SYT7: variants seen among roughly 807,000 people sequenced by gnomAD.
The protein encoded by SYT7 is synaptotagmin-7.
A neutral mutation model predicts 75.1 loss-of-function variants in SYT7; 29 were observed. The observed-to-expected ratio is 0.39, with a 90% CI of 0.29 to 0.53. The LOEUF is 0.53. Ranked by LOEUF, SYT7 falls within the 20% of genes least tolerant of loss-of-function variation. The probability of loss-of-function intolerance (pLI) is 0.77; values close to 1 mark genes in which losing one functional copy is unlikely to be tolerated. For synonymous variants in SYT7, 376 were observed against 401.7 expected (o/e 0.94, Z 0.76); for missense variants, 693 against 953.2 (o/e 0.73, Z 3.59).
chr11:61,552,033 A>G (rs1221759193), intron 2 of SYT7, among the ~76,000 whole-genome samples: 2 of 152,024 alleles, frequency 1.3e-5, no homozygotes, highest in African/African-American at 4.8e-5. Context: ...TTAGGAAGGC[A>G]GTCTTAGGAA....
At chr11:61,527,522 C>A (rs189582533) in intron 9 of SYT7, among the ~76,000 whole-genome samples, 30 of 152,258 alleles carry the variant, frequency 2.0e-4, no homozygotes, top group African/African-American at 7.2e-4. Context: ...CCTACGGGTG[C>A]CTCCCTCCCT....
intron 1 of SYT7, among the ~76,000 whole-genome samples, chr11:61,562,003 A>AGT (rs2063648009): frequency 6.6e-6 from 1 of 151,482 alleles, no homozygotes; most frequent in Non-Finnish European, 1.5e-5. Flanking sequence ...CTCTTTTACA[A>AGT]GTGTGTGTGC....
chr11:61,545,355 G>C (rs1196489875), intron 5 of SYT7, among the ~76,000 whole-genome samples: 1 of 152,214 alleles, frequency 6.6e-6, no homozygotes, highest in African/African-American at 2.4e-5. Context: ...CCAACCTCCA[G>C]GAATACACGG....
intron 2 of SYT7, among the ~76,000 whole-genome samples, chr11:61,552,395 G>A (rs1052615450): frequency 3.3e-5 from 5 of 152,088 alleles, no homozygotes; most frequent in African/African-American, 1.2e-4. Context: ...TGCGGGGTTT[G>A]GGGCTGCCTC....
chr11:61,537,741 G>A (rs1007421331), intron 7 of SYT7, among the ~76,000 whole-genome samples: 8 of 151,778 alleles, frequency 5.3e-5, no homozygotes, highest in African/African-American at 1.9e-4. Context: ...GAACGGGCTG[G>A]CGCCCCTTCC....
Position 61,546,185 on chromosome 11 carries a change from C to G in SYT7, c.418G>C (p.Gly140Arg). Reference sequence around the variant, plus strand: ...GGCGGCACCGGTGCCGGCTTCTCCCCCAGCCGGCCTTCCCGCTCCACCGCC... The same window carrying G: ...GGCGGCACCGGTGCCGGCTTCTCCCGCAGCCGGCCTTCCCGCTCCACCGCC... ...GLAVEREGRL[G>R]EKPAPVPPPG... is the part of the protein sequence containing the mutation. Residue 140 changes from glycine to arginine, a missense_variant, in exon 5 of 13, where the codon GGG becomes CGG. By Grantham distance (125) the Gly-to-Arg change is moderately radical. This residue lies in a region of SYT7 where 487 missense variants were observed against 593.2 expected (regional missense o/e 0.82). Coordinates refer to ENST00000539008, the MANE Select transcript of SYT7 (RefSeq NM_001365809.2). This position sits in a 1 kb window ranked among gnomAD's most constrained non-coding sequence, Gnocchi z 7.6. The G allele has an allele frequency of 6.6e-7, 1 of 1,519,270 alleles. No individual in the cohort carries two copies. The highest frequency in any genetic ancestry group is 8.8e-7 in the Non-Finnish European group (1 of 1,140,372). The allele number at this position is 1,519,270 out of a possible 1,614,324, so 94.1% of individuals were successfully genotyped here. A position where few individuals can be genotyped will look rare whatever the true frequency, so the allele number is the denominator to read the frequency against.
chr11:61,517,913 G>C lies in SYT7; in HGVS notation c.*714C>G, dbSNP rs552709640. 9.5e-5 allele frequency: 23 copies of C among 242,848 alleles called. No homozygotes were observed. In the South Asian group the frequency reaches 3.9e-3, roughly 42 times the overall value. 15.0% of individuals were successfully genotyped at this position (242,848 alleles called of 1,614,324 possible). ...CAGCTCCAGCAACTGCAGCTCTTCT[G>C]TTTCTGACCTCTGCCTCACCCGACC... On this transcript the variant is annotated 3_prime_UTR_variant, in exon 13 of 13. Transcript: ENST00000539008.
intron 1 of SYT7, among the ~76,000 whole-genome samples, chr11:61,572,224 G>A (rs567183384): frequency 2.0e-5 from 3 of 152,314 alleles, no homozygotes; most frequent in East Asian, 1.9e-4. Flanking sequence ...CCATGAGTGA[G>A]AGGATCCCTC....
chr11:61,521,367 C>T (rs181601495), intron 12 of SYT7, among the ~76,000 whole-genome samples: 6 of 152,174 alleles, frequency 3.9e-5, no homozygotes, highest in African/African-American at 9.7e-5. Context: ...CACCAAGAGG[C>T]GAAGCTTCAA....
Position 61,580,650 on chromosome 11 carries a change from G to A in SYT7, c.31+140C>T. The A allele has an allele frequency of 4.3e-6, 2 of 469,046 alleles. No individual in the cohort carries two copies. The highest frequency in any genetic ancestry group is 6.8e-4 in the Middle Eastern group (1 of 1,478). 29.1% of individuals were successfully genotyped at this position (469,046 alleles called of 1,614,324 possible). On this transcript the variant is annotated intron_variant, in intron 1 of 12. Coordinates refer to ENST00000539008, the MANE Select transcript of SYT7 (RefSeq NM_001365809.2). This position sits in a 1 kb window ranked among gnomAD's most constrained non-coding sequence, Gnocchi z 6.1. Reference sequence around the variant, plus strand: ...GCTGCCGCTCGATCCCGCGCCCCCGGGGCTGGGATGACCCCTGGGGGAGCC... The same window carrying A: ...GCTGCCGCTCGATCCCGCGCCCCCGAGGCTGGGATGACCCCTGGGGGAGCC...
rs184190948 is a variant in SYT7, at chr11:61,579,959, G to A, written c.31+831C>T. Among the ~76,000 whole-genome samples, 460 of 152,338 alleles carry A rather than the reference G, an allele frequency of 3.0e-3. 6 individuals are homozygous for A. In the South Asian group the frequency reaches 0.038, roughly 13 times the overall value. ...GTGGGCACTGGGTGAGGAGGCATCA[G>A]GAGCCAAGGAGGAAATGGCAGAGCA... On this transcript the variant is annotated intron_variant, in intron 1 of 12. Transcript: ENST00000539008.
upstream of SYT7, among the ~76,000 whole-genome samples, chr11:61,585,375 T>C (rs1319769233): frequency 6.6e-6 from 1 of 152,044 alleles, no homozygotes. Flanking sequence ...GGCAAGAGAC[T>C]CAGGCTGAGC....
chr11:61,518,792 C>T, intron 12 of SYT7, 61 bp from the exon 13 acceptor site: 1 of 1,266,830 alleles, frequency 7.9e-7, no homozygotes, highest in South Asian at 1.6e-5. Flanking sequence ...CCCTTTCCCC[C>T]ACAGGGGTGA....
chr11:61,581,543 C>T (rs2135483539), upstream of SYT7, among the ~76,000 whole-genome samples: 1 of 152,374 alleles, frequency 6.6e-6, no homozygotes, highest in East Asian at 1.9e-4. Context: ...CCGGACTCAA[C>T]ACCGCGGCGG....
rs1224493523 is a variant in SYT7, at chr11:61,517,592, G to A, written c.*1035C>T. ...GAGATGAGGAAGGGCAGGCAAGCTG[G>A]AAAGCATGGAGAATAGGGCAGATGT... On this transcript the variant is annotated 3_prime_UTR_variant, in exon 13 of 13. Coordinates refer to ENST00000539008, the MANE Select transcript of SYT7 (RefSeq NM_001365809.2). The A allele has an allele frequency of 2.5e-6, 1 of 399,594 alleles. No individual in the cohort carries two copies. Among genetic ancestry groups the A allele is most frequent in the Non-Finnish European group, 4.4e-6 (1 of 226,732 alleles). The allele number at this position is 399,594 out of a possible 1,614,324, so 24.8% of individuals were successfully genotyped here.
chr11:61,569,318 T>C (rs1345407658), intron 1 of SYT7, among the ~76,000 whole-genome samples: 2 of 152,044 alleles, frequency 1.3e-5, no homozygotes, highest in African/African-American at 4.8e-5. Context: ...AGAAACTGCC[T>C]GGGTCAGGGT....
upstream of SYT7, among the ~76,000 whole-genome samples, chr11:61,581,901 C>T (rs564733075): frequency 5.3e-5 from 8 of 152,140 alleles, no homozygotes; most frequent in Non-Finnish European, 1.0e-4. Flanking sequence ...GCCTCTCTGC[C>T]GGCTCAGCAC....
chr11:61,524,332 G>C lies in SYT7; in HGVS notation c.1641+31C>G. On this transcript the variant is annotated intron_variant, in intron 10 of 12. Coordinates refer to ENST00000539008, the MANE Select transcript of SYT7 (RefSeq NM_001365809.2). The surrounding 1 kb of genome is among the most constrained non-coding windows in gnomAD (Gnocchi z 4.1). ...ATCTCCCAGCCCTGCCCTGCTGCCT[G>C]TCCAGCTAAGACCCACCCATGGGGC... is the stretch of plus-strand genomic sequence containing the variant. The C allele has an allele frequency of 6.2e-7, 1 of 1,611,948 alleles. No homozygotes were observed. Among genetic ancestry groups the C allele is most frequent in the Non-Finnish European group, 8.5e-7 (1 of 1,178,950 alleles).
upstream of SYT7, among the ~76,000 whole-genome samples, chr11:61,582,289 T>C (rs2064295837): frequency 6.6e-6 from 1 of 152,196 alleles, no homozygotes; most frequent in African/African-American, 2.4e-5. Flanking sequence ...GAATGCAGTT[T>C]GCAGGTGAGC....
Sources: allele counts gnomAD v4.1 joint callset (sites outside exome capture counted in the v4.1 genomes callset), GRCh38; gene constraint gnomAD v4.1.1; regional missense constraint gnomAD v4.1.1; non-coding constraint Gnocchi (gnomAD v3.1); transcripts MANE v1.5; gene names NCBI Gene and HGNC (gene_info 2026-07-23, HGNC 2026-07-21).